The following PCDH9 variants were observed in gnomAD, a reference collection of about 807,000 sequenced individuals.
PCDH9 encodes the protein protocadherin-9.
A neutral mutation model predicts 70.6 loss-of-function variants in PCDH9; 24 were observed. That is an observed-to-expected ratio of 0.34 (90% confidence interval 0.25 to 0.48). PCDH9 has a LOEUF of 0.48. PCDH9 is among the 20% of genes least tolerant of loss of function. The probability of loss-of-function intolerance (pLI) is 0.99; values close to 1 mark genes in which losing one functional copy is unlikely to be tolerated. For synonymous variants in PCDH9, 562 were observed against 558.5 expected, an observed-to-expected ratio of 1.01 and a Z score of -0.09; for missense variants, 1,281 against 1,503.6, an observed-to-expected ratio of 0.85 and a Z score of 2.45.
intron 2 of PCDH9, among the ~76,000 whole-genome samples, chr13:67,200,822 C>T (rs931980026): frequency 3.3e-5 from 5 of 151,930 alleles, no homozygotes; most frequent in African/African-American, 1.2e-4. Flanking sequence ...GCCTAAGGTT[C>T]CACATGTGTG....
chr13:66,824,071 C>T (rs1466596280), intron 3 of PCDH9, among the ~76,000 whole-genome samples: 2 of 151,822 alleles, frequency 1.3e-5, no homozygotes, highest in Non-Finnish European at 2.9e-5. Context: ...TCATAACTTA[C>T]TGTACAGTCA....
At chr13:67,078,370 C>A (rs1196981531) in intron 2 of PCDH9, among the ~76,000 whole-genome samples, 1 of 152,160 alleles carries the variant, frequency 6.6e-6, no homozygotes, top group Non-Finnish European at 1.5e-5. Flanking sequence ...ACATTAATCT[C>A]AAGGCTCACC....
intron 3 of PCDH9, among the ~76,000 whole-genome samples, chr13:66,680,172 T>A (rs1172231618): frequency 6.6e-6 from 1 of 151,980 alleles, no homozygotes; most frequent in African/African-American, 2.4e-5. Flanking sequence ...TTCAGTTTTA[T>A]ATTGTGTCTA....
intron 4 of PCDH9, among the ~76,000 whole-genome samples, chr13:66,611,836 AAC>A (rs1382187635): frequency 5.3e-5 from 8 of 152,182 alleles, no homozygotes. Context: ...ATTAACCTAG[AAC>A]TATTCTAAGT....
intron 2 of PCDH9, among the ~76,000 whole-genome samples, chr13:67,171,090 T>C (rs2088272287): frequency 6.6e-6 from 1 of 152,158 alleles, no homozygotes; most frequent in Admixed American, 6.5e-5. Context: ...AGATGAAACA[T>C]AGCATACCGA....
chr13:66,818,927 C>A (rs1302601461), intron 3 of PCDH9, among the ~76,000 whole-genome samples: 3 of 145,160 alleles, frequency 2.1e-5, no homozygotes, highest in African/African-American at 7.8e-5. Flanking sequence ...GAGCTAGACT[C>A]CCGTCTCAAA....
At chr13:66,596,555 A>C (rs946855484) in intron 4 of PCDH9, among the ~76,000 whole-genome samples, 1 of 151,744 alleles carries the variant, frequency 6.6e-6, no homozygotes, top group African/African-American at 2.4e-5. Flanking sequence ...GACATTTGCT[A>C]TTTGAAATCT....
At chr13:66,310,201 C>G (rs1266380273) in intron 4 of PCDH9, among the ~76,000 whole-genome samples, 2 of 151,878 alleles carry the variant, frequency 1.3e-5, no homozygotes, top group African/African-American at 4.8e-5. Flanking sequence ...AAAGCAAAAA[C>G]AAAAGCACAT....
intron 3 of PCDH9, among the ~76,000 whole-genome samples, chr13:66,891,427 T>A (rs2082093651): frequency 6.6e-6 from 1 of 152,208 alleles, no homozygotes; most frequent in Non-Finnish European, 1.5e-5. Context: ...GAAAAAATAT[T>A]AAACATCCTG....
chr13:66,574,013 T>C (rs1311839707), intron 4 of PCDH9, among the ~76,000 whole-genome samples: 2 of 152,156 alleles, frequency 1.3e-5, no homozygotes, highest in Non-Finnish European at 2.9e-5. Flanking sequence ...TAGATACTCT[T>C]ATCATTTTGG....
chr13:66,720,916 A>T (rs1253841553), intron 3 of PCDH9, among the ~76,000 whole-genome samples: 1 of 152,176 alleles, frequency 6.6e-6, no homozygotes. Flanking sequence ...GGGGAAAAAA[A>T]GCATAAGGTG....
At chr13:67,028,851 G>A (rs942647823) in intron 2 of PCDH9, among the ~76,000 whole-genome samples, 2 of 152,096 alleles carry the variant, frequency 1.3e-5, no homozygotes, top group African/African-American at 4.8e-5. Context: ...AGGAGAACGA[G>A]ACATTTTGGC....
At chr13:66,424,427 C>T (rs1349052435) in intron 4 of PCDH9, among the ~76,000 whole-genome samples, 1 of 151,948 alleles carries the variant, frequency 6.6e-6, no homozygotes, top group East Asian at 1.9e-4. Context: ...GTTATTTAAA[C>T]ATGGTATAGA....
chr13:67,213,369 A>G (rs569934848), intron 2 of PCDH9: 1 of 152,026 alleles, frequency 6.6e-6, no homozygotes, highest in Middle Eastern at 3.2e-3. Context: ...ACTTGATGCC[A>G]TGAGAATGCT....
chr13:66,419,186 C>G (rs1269663442), intron 4 of PCDH9, among the ~76,000 whole-genome samples: 1 of 149,868 alleles, frequency 6.7e-6, no homozygotes, highest in African/African-American at 2.4e-5. Flanking sequence ...GGACTCCTCC[C>G]TAACTCATTT....
Position 66,684,513 on chromosome 13 carries a change from G to A in PCDH9, c.3139-53102C>T, listed in dbSNP as rs145742467. On this transcript the variant is annotated intron_variant, in intron 3 of 4. Transcript: ENST00000377865. The stretch of plus-strand genomic sequence containing the variant: ...CTCCATACTGTCCTTGACAGTGAAT[G>A]AGTTCCCACAAGAAAACAATTTCTG... 1.4e-3 allele frequency among the ~76,000 whole-genome samples: 215 copies of A among 152,200 alleles called. 1 individual carries two copies. Among genetic ancestry groups the A allele is most frequent in the African/African-American group, 4.1e-3 (169 of 41,546 alleles).
At chr13:67,040,690 A>G (rs1017272455) in intron 2 of PCDH9, among the ~76,000 whole-genome samples, 2 of 152,144 alleles carry the variant, frequency 1.3e-5, no homozygotes, top group East Asian at 1.9e-4. Context: ...TAGGTTAAAA[A>G]AAATATATAT....
intron 2 of PCDH9, among the ~76,000 whole-genome samples, chr13:67,111,890 A>G (rs1043873080): frequency 6.6e-6 from 1 of 152,222 alleles, no homozygotes; most frequent in Non-Finnish European, 1.5e-5. Context: ...TATAATTAAT[A>G]GTGTTATTAC....
At chr13:67,083,639 A>G (rs1017310506) in intron 2 of PCDH9, among the ~76,000 whole-genome samples, 1 of 152,196 alleles carries the variant, frequency 6.6e-6, no homozygotes, top group African/African-American at 2.4e-5. Flanking sequence ...AAAATGGTCA[A>G]CAGAAAAACG....
Sources: gnomAD v4.1 joint callset for allele counts (sites outside exome capture counted in the v4.1 genomes callset) on GRCh38, gnomAD v4.1.1 for gene constraint, MANE v1.5 for transcripts, NCBI Gene and HGNC (gene_info 2026-07-23, HGNC 2026-07-21) for gene names.